Variants in COL18A1 observed in about 807,000 individuals in gnomAD.
COL18A1 encodes the protein collagen alpha-1(XVIII) chain.
COL18A1 carries 133 observed loss-of-function variants against 168.0 expected under a neutral mutation model. The ratio of observed to expected loss-of-function variants is 0.79; its 90% CI spans 0.69 to 0.91. COL18A1 has a LOEUF of 0.91. Ranked by LOEUF, COL18A1 falls within the 40% of genes least tolerant of loss-of-function variation. The pLI, the probability that COL18A1 is intolerant of heterozygous loss-of-function variation, is 0.00. For missense variants in COL18A1, 2,126 were observed against 1,925.4 expected, an observed-to-expected ratio of 1.10 and a Z score of -1.95; for synonymous variants, 949 against 809.0, an observed-to-expected ratio of 1.17 and a Z score of -2.94.
chr21:45,459,524 T>C (rs1192715628), intron 2 of COL18A1, among the ~76,000 whole-genome samples: 1 of 152,222 alleles, frequency 6.6e-6, no homozygotes, highest in African/African-American at 2.4e-5. Flanking sequence ...TCCTGGGCAC[T>C]GCCCTGTGTG....
rs2033683874 is a variant in COL18A1 at position 45,423,322 on chromosome 21, C to T, written c.106+17849C>T. Among the ~76,000 whole-genome samples the T allele has an allele frequency of 1.3e-5, 2 of 152,198 alleles. No individual in the cohort carries two copies. The highest frequency in any genetic ancestry group is 1.3e-4 in the Admixed American group (2 of 15,282). ...GGCTGGTCCACTTCCTGAGCGTTGG[C>T]CAGCTGCCCTTGCTGTGCTGGGGTA... is the stretch of plus-strand genomic sequence containing the variant. On this transcript the variant is annotated intron_variant, in intron 2 of 41. Coordinates refer to ENST00000651438, the MANE Select transcript of COL18A1 (RefSeq NM_001379500.1). The surrounding 1 kb of genome is among the most constrained non-coding windows in gnomAD (Gnocchi z 4.0).
chr21:45,431,846 A>G (rs1384363260), intron 2 of COL18A1, among the ~76,000 whole-genome samples: 1 of 152,074 alleles, frequency 6.6e-6, no homozygotes, highest in Non-Finnish European at 1.5e-5. Context: ...TCCTCGGGGT[A>G]CAGCGGGGGT....
chr21:45,496,214 G>T (rs2036538644), intron 29 of COL18A1: 1 of 630,284 alleles, frequency 1.6e-6, no homozygotes, highest in Non-Finnish European at 3.0e-6. Context: ...CAGCAGGGTG[G>T]GGCATTTTCA....
At chr21:45,489,203 G>C (rs1381714423) in intron 18 of COL18A1, among the ~76,000 whole-genome samples, 2 of 152,220 alleles carry the variant, frequency 1.3e-5, no homozygotes, top group African/African-American at 4.8e-5. Context: ...TAAATTGTTT[G>C]AATGAGGCCG....
Position 45,486,978 on chromosome 21 carries a change from C to A in COL18A1, c.1819C>A (p.Leu607Ile). ...GCCCCCTGGGCCCCCAGGACCAGGA[C>A]TCCCCGCTGGATTTGTGAGTACCGC... ...PGPPGPPGPG[L>I]PAGFDDMEGS... is the part of the protein sequence containing the mutation. Residue 607 changes from leucine to isoleucine, a missense_variant, in exon 16 of 42, where the codon CTC becomes ATC. Coordinates refer to ENST00000651438, the MANE Select transcript of COL18A1 (RefSeq NM_001379500.1). 1 of 1,517,844 alleles carries A rather than the reference C, an allele frequency of 6.6e-7. No homozygotes were observed. The highest frequency in any genetic ancestry group is 8.8e-7 in the Non-Finnish European group (1 of 1,139,758). The allele number at this position is 1,517,844 out of a possible 1,614,324, so 94.0% of individuals were successfully genotyped here.
chr21:45,416,444 G>T (rs928874299), intron 2 of COL18A1, among the ~76,000 whole-genome samples: 1 of 152,202 alleles, frequency 6.6e-6, no homozygotes, highest in African/African-American at 2.4e-5. Context: ...GCACTGGTGT[G>T]GGGGTGGCCG....
intron 2 of COL18A1, among the ~76,000 whole-genome samples, chr21:45,437,138 C>CTG (rs2034133171): frequency 9.1e-6 from 1 of 110,002 alleles, no homozygotes. Flanking sequence ...CAGGCACTCT[C>CTG]CACACACACT....
chr21:45,474,530 C>T (rs1359010221), intron 4 of COL18A1, among the ~76,000 whole-genome samples: 2 of 150,766 alleles, frequency 1.3e-5, no homozygotes, highest in East Asian at 3.9e-4. Flanking sequence ...GTTGTGTCTG[C>T]ATGTCTGCAT....
chr21:45,491,513 G>T lies in COL18A1; in HGVS notation c.2157+199G>T, dbSNP rs2036351206. 2.8e-5 allele frequency among the ~76,000 whole-genome samples: 3 copies of T among 108,330 alleles called. No individual in the cohort carries two copies. The South Asian group carries it at 9.2e-4, about 33-fold the overall frequency. The allele number at this position is 108,330 out of a possible 152,430, so 71.1% of individuals were successfully genotyped here. On this transcript the variant is annotated intron_variant, in intron 22 of 41. Coordinates refer to ENST00000651438, the MANE Select transcript of COL18A1 (RefSeq NM_001379500.1). ...CCTGGGGAGCCCAGCTCCATGTGGT[G>T]TTGGAGACACCGAGGAGAGGGGAGG...
At chr21:45,496,613 TCACAC>T in intron 30 of COL18A1, 45 bp downstream of exon 30, 1 of 911,330 alleles carries the variant, frequency 1.1e-6, no homozygotes, top group Non-Finnish European at 1.9e-6. Context: ...CCCTTGGCTG[TCACAC>T]AGAGCCCCAC....
chr21:45,436,955 G>A (rs574056854), intron 2 of COL18A1, among the ~76,000 whole-genome samples: 7 of 152,028 alleles, frequency 4.6e-5, no homozygotes, highest in African/African-American at 1.7e-4. Context: ...GCCCTGGCTG[G>A]GGAGCAGCTG....
At chr21:45,506,302 G>A in intron 37 of COL18A1, 3 of 374,818 alleles carry the variant, frequency 8.0e-6, no homozygotes, top group South Asian at 6.4e-5. Flanking sequence ...AGGCGGCAGG[G>A]GGGCTCAGGC....
chr21:45,431,686 A>G (rs902905197), intron 2 of COL18A1, among the ~76,000 whole-genome samples: 1 of 151,882 alleles, frequency 6.6e-6, no homozygotes, highest in Non-Finnish European at 1.5e-5. Flanking sequence ...AGGGCCCAGC[A>G]GACCCCAAGG....
Position 45,465,367 on chromosome 21 carries a change from GGTT to G in COL18A1, c.107-2871_107-2869del, listed in dbSNP as rs574778325. On this transcript the variant is annotated intron_variant, in intron 2 of 41. Transcript: ENST00000651438. ...CCCGGGGACAGGGGCCCGTTTCTTA[GGTT>G]GTTTTTAGCCTTCCGTGGGGGCTCT... Among the ~76,000 whole-genome samples, 336 of 152,314 alleles carry G rather than the reference GGTT, an allele frequency of 2.2e-3. 1 individual carries two copies. Among genetic ancestry groups the G allele is most frequent in the Non-Finnish European group, 3.7e-3 (254 of 68,024 alleles).
At position 45,452,894 on chromosome 21, in the gene COL18A1, T is replaced by C. The variant is rs147041477; in HGVS notation, c.107-15348T>C. 9.0e-3 allele frequency among the ~76,000 whole-genome samples: 1,367 copies of C among 152,010 alleles called. 18 individuals carry two copies. The highest frequency in any genetic ancestry group is 0.031 in the African/African-American group (1,303 of 41,436). On this transcript the variant is annotated intron_variant, in intron 2 of 41. Coordinates refer to ENST00000651438, the MANE Select transcript of COL18A1 (RefSeq NM_001379500.1). ...TGCATGTGAGTATTCACATGTGACA[T>C]GTGAGCATGTATGTACATGTGTGTG... is the stretch of plus-strand genomic sequence containing the variant.
At chr21:45,487,679 C>G (rs957112074) in intron 17 of COL18A1, 170 bp downstream of exon 17, 1 of 808,284 alleles carries the variant, frequency 1.2e-6, no homozygotes, top group African/African-American at 1.7e-5. Context: ...CCTTGTTCTT[C>G]GGAGATGCCC....
At position 45,490,382 on chromosome 21, in the gene COL18A1, G is replaced by A. The variant is rs770513519; in HGVS notation, c.2031+36G>A. The A allele has an allele frequency of 5.3e-6, 8 of 1,498,426 alleles. No homozygotes were observed. The South Asian group carries it at 7.2e-5, about 13-fold the overall frequency. The allele number at this position is 1,498,426 out of a possible 1,614,324, so 92.8% of individuals were successfully genotyped here. A position where few individuals can be genotyped will look rare whatever the true frequency, so the allele number is the denominator to read the frequency against. On this transcript the variant is annotated intron_variant, in intron 20 of 41. Coordinates refer to ENST00000651438, the MANE Select transcript of COL18A1 (RefSeq NM_001379500.1). The stretch of plus-strand genomic sequence containing the variant: ...TTGGTGGGCCCAGGGTGCAGGGGGG[G>A]CGTGGAGCCCTGAAGGGACTATGCT...
At chr21:45,509,027 G>A (rs987499937) in intron 38 of COL18A1, among the ~76,000 whole-genome samples, 10 of 152,152 alleles carry the variant, frequency 6.6e-5, no homozygotes, top group African/African-American at 1.4e-4. Flanking sequence ...GTCGAAGGTC[G>A]CCGTGTTGAG....
At chr21:45,491,976 G>C (rs772969238) in intron 22 of COL18A1, among the ~76,000 whole-genome samples, 2 of 152,204 alleles carry the variant, frequency 1.3e-5, no homozygotes, top group Non-Finnish European at 2.9e-5. Context: ...GGGGCTGCCC[G>C]GGGCAGAGCT....
Sources: gnomAD v4.1 joint callset for allele counts (sites outside exome capture counted in the v4.1 genomes callset) on GRCh38, gnomAD v4.1.1 for gene constraint, Gnocchi (gnomAD v3.1) non-coding constraint, MANE v1.5 for transcripts, NCBI Gene and HGNC (gene_info 2026-07-23, HGNC 2026-07-21) for gene names.